Variants in FBXL7 observed in about 807,000 individuals in gnomAD.
The protein encoded by FBXL7 is F-box/LRR-repeat protein 7.
A neutral mutation model predicts 38.3 loss-of-function variants in FBXL7; 12 were observed. The ratio of observed to expected loss-of-function variants is 0.31; its 90% CI spans 0.20 to 0.51. The LOEUF (loss-of-function observed/expected upper bound fraction) is 0.51. Ranked by LOEUF, FBXL7 falls within the 20% of genes least tolerant of loss-of-function variation. FBXL7 has a pLI of 0.98. For synonymous variants in FBXL7, 297 were observed against 300.9 expected (o/e 0.99, Z 0.13); for missense variants, 567 against 676.4 (o/e 0.84, Z 1.79).
chr5:15,639,390 T>C (rs1016276189), intron 2 of FBXL7, among the ~76,000 whole-genome samples: 7 of 152,206 alleles, frequency 4.6e-5, no homozygotes, highest in African/African-American at 1.7e-4. Context: ...GTCTTTCCCA[T>C]GCTGTTCTTA....
At chr5:15,616,180 T>C (rs1740446622) in intron 2 of FBXL7, 108 bp downstream of exon 2, 1 of 634,062 alleles carries the variant, frequency 1.6e-6, no homozygotes, top group African/African-American at 1.9e-5. Context: ...AGTGGGAGCA[T>C]ATGAGATCTT....
chr5:15,588,510 C>T (rs1374806783), intron 1 of FBXL7, among the ~76,000 whole-genome samples: 1 of 151,844 alleles, frequency 6.6e-6, no homozygotes, highest in African/African-American at 2.4e-5. Flanking sequence ...TCTCAGCCTC[C>T]TGAGTAGCTG....
At chr5:15,918,811 G>A (rs1262618150) in intron 2 of FBXL7, among the ~76,000 whole-genome samples, 2 of 152,160 alleles carry the variant, frequency 1.3e-5, no homozygotes, top group East Asian at 3.9e-4. Context: ...GTCTGATCCT[G>A]GGGGGTACCA....
intron 2 of FBXL7, among the ~76,000 whole-genome samples, chr5:15,671,232 G>A (rs1742462432): frequency 6.6e-6 from 1 of 152,172 alleles, no homozygotes; most frequent in African/African-American, 2.4e-5. Flanking sequence ...ACAAGGTCGT[G>A]TAGAATGATA....
At chr5:15,611,134 A>G (rs899428482) in intron 1 of FBXL7, among the ~76,000 whole-genome samples, 2 of 152,158 alleles carry the variant, frequency 1.3e-5, no homozygotes, top group Admixed American at 6.5e-5. Flanking sequence ...TTATGTAATC[A>G]CCAAATTAAT....
chr5:15,785,173 A>G (rs1395144509), intron 2 of FBXL7, among the ~76,000 whole-genome samples: 3 of 152,172 alleles, frequency 2.0e-5, no homozygotes, highest in African/African-American at 7.2e-5. Context: ...ATAACTTCCC[A>G]TTGCCACATG....
chr5:15,662,021 G>A (rs1742096465), intron 2 of FBXL7, among the ~76,000 whole-genome samples: 1 of 152,214 alleles, frequency 6.6e-6, no homozygotes, highest in South Asian at 2.1e-4. Flanking sequence ...ATGCTAGAAT[G>A]ATTTATATTC....
At position 15,750,161 on chromosome 5, in the gene FBXL7, C is replaced by G. The variant is rs1475205765; in HGVS notation, c.127+134089C>G. The stretch of plus-strand genomic sequence containing the variant: ...CCAAGGAATAAAATAAGTAAAGATC[C>G]CTTCCCTCAAAGAATTTATATAGTG... On this transcript the variant is annotated intron_variant, in intron 2 of 3. Transcript: ENST00000504595. Among the ~76,000 whole-genome samples the G allele has an allele frequency of 2.0e-5, 3 of 152,126 alleles. No homozygotes were observed. The South Asian group carries it at 6.2e-4, about 31-fold the overall frequency.
At chr5:15,582,449 A>G (rs1178346870) in intron 1 of FBXL7, among the ~76,000 whole-genome samples, 2 of 152,216 alleles carry the variant, frequency 1.3e-5, no homozygotes, top group Non-Finnish European at 2.9e-5. Context: ...ATACAAGGGT[A>G]ACTACATATA....
intron 1 of FBXL7, among the ~76,000 whole-genome samples, chr5:15,516,385 G>A (rs954503937): frequency 2.6e-5 from 4 of 152,096 alleles, no homozygotes; most frequent in Admixed American, 6.5e-5. Flanking sequence ...ACTAAACTTC[G>A]TACTTTGAGA....
chr5:15,762,153 C>T (rs1736464350), intron 2 of FBXL7, among the ~76,000 whole-genome samples: 1 of 152,130 alleles, frequency 6.6e-6, no homozygotes, highest in South Asian at 2.1e-4. Flanking sequence ...TAGCAGGATT[C>T]AGTTTTTCAC....
intron 1 of FBXL7, chr5:15,607,281 T>C (rs1337277507): frequency 6.6e-6 from 1 of 152,184 alleles, no homozygotes; most frequent in Non-Finnish European, 1.5e-5. Context: ...GTCCGTGTAC[T>C]TGTGTGTGGA....
chr5:15,844,284 G>A (rs140130091), intron 2 of FBXL7, among the ~76,000 whole-genome samples: 625 of 152,278 alleles, frequency 4.1e-3, no homozygotes, highest in Middle Eastern at 0.014. Context: ...GCTTACATCG[G>A]AGGTCTGCTT....
intron 2 of FBXL7, among the ~76,000 whole-genome samples, chr5:15,673,632 C>G (rs1043605073): frequency 2.6e-5 from 4 of 152,128 alleles, no homozygotes; most frequent in Non-Finnish European, 4.4e-5. Flanking sequence ...ATTTTTGGAT[C>G]TCCTTGGGAT....
Position 15,655,864 on chromosome 5 carries a change from T to A in FBXL7, c.127+39792T>A, listed in dbSNP as rs143156836. On this transcript the variant is annotated intron_variant, in intron 2 of 3. Coordinates refer to ENST00000504595, the MANE Select transcript of FBXL7 (RefSeq NM_012304.5). ...CAAACCCTGGCCATTTGACTCAGGT[T>A]ATTGCTGCAAACACAGTACTGTTAT... 5.3e-5 allele frequency among the ~76,000 whole-genome samples: 8 copies of A among 152,318 alleles called. No homozygotes were observed. In the East Asian group the frequency reaches 1.5e-3, roughly 29 times the overall value.
chr5:15,589,350 A>G (rs192408040), intron 1 of FBXL7, among the ~76,000 whole-genome samples: 2 of 152,162 alleles, frequency 1.3e-5, no homozygotes, highest in African/African-American at 4.8e-5. Context: ...GGCTTTTCTC[A>G]TGATAGTGAG....
chr5:15,668,743 A>C (rs959264661), intron 2 of FBXL7, among the ~76,000 whole-genome samples: 50 of 152,320 alleles, frequency 3.3e-4, no homozygotes, highest in African/African-American at 1.2e-3. Flanking sequence ...TCAAGTTTAT[A>C]ATGTTATTTT....
chr5:15,571,449 G>T (rs1738778574), intron 1 of FBXL7, among the ~76,000 whole-genome samples: 1 of 152,178 alleles, frequency 6.6e-6, no homozygotes, highest in Admixed American at 6.5e-5. Context: ...CTTTAAGATA[G>T]TCAGGTGGAA....
At chr5:15,645,536 A>C (rs1308994459) in intron 2 of FBXL7, among the ~76,000 whole-genome samples, 1 of 152,156 alleles carries the variant, frequency 6.6e-6, no homozygotes, top group African/African-American at 2.4e-5. Flanking sequence ...CTGTCTTCGT[A>C]AAATGTGTAA....
Sources: allele counts gnomAD v4.1 joint callset (sites outside exome capture counted in the v4.1 genomes callset), GRCh38; gene constraint gnomAD v4.1.1; transcripts MANE v1.5; gene names NCBI Gene and HGNC (gene_info 2026-07-23, HGNC 2026-07-21).